PTPN4: variants seen among roughly 807,000 people sequenced by gnomAD.
The protein encoded by PTPN4 is protein tyrosine phosphatase non-receptor type 4.
In PTPN4, 49 loss-of-function variants were observed where a neutral mutation model predicts 135.5. That is an observed-to-expected ratio of 0.36 (90% CI 0.29 to 0.46). The LOEUF is 0.46. Among genes scored for constraint, PTPN4 ranks in the 20% least tolerant of loss-of-function variants. The pLI is 1.00. For missense variants in PTPN4, 860 were observed against 1,101.0 expected, an observed-to-expected ratio of 0.78 and a Z score of 3.10; for synonymous variants, 333 against 369.9, an observed-to-expected ratio of 0.90 and a Z score of 1.14.
intron 1 of PTPN4, among the ~76,000 whole-genome samples, chr2:119,766,484 C>A (rs184827391): frequency 9.6e-6 from 1 of 103,826 alleles, no homozygotes; most frequent in African/African-American, 4.3e-5. Context: ...GTGTGTGTGT[C>A]TGTGTGTGTG....
chr2:119,917,176 C>G (rs1266356963), intron 11 of PTPN4, among the ~76,000 whole-genome samples: 1 of 152,120 alleles, frequency 6.6e-6, no homozygotes, highest in Non-Finnish European at 1.5e-5. Flanking sequence ...TACTATGTGC[C>G]TGGTAAAAGA....
chr2:119,920,405 A>G (rs901388902), intron 12 of PTPN4, among the ~76,000 whole-genome samples, 164 bp downstream of exon 12: 3 of 152,110 alleles, frequency 2.0e-5, no homozygotes, highest in Non-Finnish European at 2.9e-5. Flanking sequence ...AAAAAGTTCT[A>G]TAGGTTCTTG....
intron 19 of PTPN4, among the ~76,000 whole-genome samples, chr2:119,954,103 T>G (rs1679246813): frequency 6.6e-6 from 1 of 152,230 alleles, no homozygotes; most frequent in Non-Finnish European, 1.5e-5. Context: ...TCTGATCTTT[T>G]CTCCTTTAAT....
chr2:119,815,908 T>A (rs1438454978), intron 2 of PTPN4, among the ~76,000 whole-genome samples: 3 of 152,222 alleles, frequency 2.0e-5, no homozygotes, highest in African/African-American at 7.2e-5. Context: ...TATAACTCAA[T>A]GAATTATTTT....
At chr2:119,809,229 A>G (rs1046634117) in intron 1 of PTPN4, among the ~76,000 whole-genome samples, 2 of 151,874 alleles carry the variant, frequency 1.3e-5, no homozygotes, top group Non-Finnish European at 2.9e-5. Context: ...CTGTTGTTTT[A>G]TAGGCCATCT....
chr2:119,772,865 G>C (rs958403503), intron 1 of PTPN4, among the ~76,000 whole-genome samples: 2 of 152,098 alleles, frequency 1.3e-5, no homozygotes, highest in African/African-American at 4.8e-5. Context: ...ATAGCAATAT[G>C]GTTGAATACA....
chr2:119,907,832 C>A (rs1678512206), intron 10 of PTPN4, among the ~76,000 whole-genome samples: 4 of 152,086 alleles, frequency 2.6e-5, no homozygotes, highest in African/African-American at 9.7e-5. Flanking sequence ...TTGACAAAGG[C>A]ACCTAGAACA....
chr2:119,784,479 C>T (rs1691007182), intron 1 of PTPN4, among the ~76,000 whole-genome samples: 3 of 150,714 alleles, frequency 2.0e-5, no homozygotes, highest in Non-Finnish European at 3.0e-5. Context: ...CTCCGCCTCC[C>T]GGGTTCACGC....
intron 1 of PTPN4, among the ~76,000 whole-genome samples, chr2:119,776,057 G>A (rs537511362): frequency 6.6e-6 from 1 of 152,252 alleles, no homozygotes; most frequent in South Asian, 2.1e-4. Flanking sequence ...TGGCAGAAGG[G>A]TTCCACTTAT....
At chr2:119,947,867 T>G (rs148483010) in intron 18 of PTPN4, among the ~76,000 whole-genome samples, 52 of 152,148 alleles carry the variant, frequency 3.4e-4, no homozygotes, top group African/African-American at 1.3e-3. Flanking sequence ...CCTCAATCCA[T>G]GTAGTAGGAT....
chr2:119,760,596 G>C (rs1289243920), intron 1 of PTPN4, among the ~76,000 whole-genome samples: 1 of 152,124 alleles, frequency 6.6e-6, no homozygotes, highest in Non-Finnish European at 1.5e-5. Context: ...CTGCTTTTGC[G>C]GGGGTTATAG....
Position 119,956,825 on chromosome 2 carries a change from CTTTTT to C in PTPN4, c.1981-7_1981-3del. The stretch of plus-strand genomic sequence containing the variant: ...TTTATGGCTTTTGTTGGAATTGTAC[CTTTTT>C]TTTTTTTTTTTAGCAACTGTATCGG... On this transcript the variant is annotated splice_polypyrimidine_tract_variant and intron_variant, in intron 20 of 26. Transcript: ENST00000263708. 2.0e-6 allele frequency: 3 copies of C among 1,505,988 alleles called. No individual in the cohort carries two copies. Among genetic ancestry groups the C allele is most frequent in the Admixed American group, 4.7e-5 (2 of 42,822 alleles). 93.3% of individuals were successfully genotyped at this position (1,505,988 alleles called of 1,614,324 possible).
At chr2:119,870,559 G>A (rs751523632) in intron 3 of PTPN4, among the ~76,000 whole-genome samples, 11 of 151,964 alleles carry the variant, frequency 7.2e-5, no homozygotes, top group African/African-American at 9.7e-5. Flanking sequence ...TAATCAACTC[G>A]TCCTAACAGG....
intron 15 of PTPN4, among the ~76,000 whole-genome samples, chr2:119,942,338 G>A (rs975546648): frequency 2.0e-5 from 3 of 152,102 alleles, no homozygotes; most frequent in African/African-American, 4.8e-5. Context: ...TATTGCCACC[G>A]ATAGGCCCAT....
In PTPN4 at chr2:119,760,733, CTTTTTT is replaced by C. The variant is rs59953430; in HGVS notation, c.-18+366_-18+371del. ...GAGTTTTCCATTGCTGGTAGAATTC[CTTTTTT>C]TTTTTTTTTTTTTTTTGGCTCATAT... is the stretch of plus-strand genomic sequence containing the variant. On this transcript the variant is annotated intron_variant, in intron 1 of 26. Coordinates refer to ENST00000263708, the MANE Select transcript of PTPN4 (RefSeq NM_002830.4). 7.2e-3 allele frequency among the ~76,000 whole-genome samples: 575 copies of C among 79,920 alleles called. 4 individuals carry two copies. The highest frequency in any genetic ancestry group is 0.021 in the African/African-American group (419 of 19,742). 52.4% of individuals were successfully genotyped at this position (79,920 alleles called of 152,430 possible).
rs551091482 is a variant in PTPN4, at chr2:119,934,536, C to T, written c.1197-264C>T. On this transcript the variant is annotated intron_variant, in intron 14 of 26. Transcript: ENST00000263708. ...AGTAAGACAAAATCATAGTGACTAACACCTAGAAACATGAAGGCACTTAGA... is the reference window on the plus strand; with the variant it reads ...AGTAAGACAAAATCATAGTGACTAATACCTAGAAACATGAAGGCACTTAGA... 2.0e-5 allele frequency among the ~76,000 whole-genome samples: 3 copies of T among 152,202 alleles called. No homozygotes were observed. In the East Asian group the frequency reaches 5.8e-4, roughly 29 times the overall value.
intron 1 of PTPN4, among the ~76,000 whole-genome samples, chr2:119,804,073 G>A (rs1242063344): frequency 2.0e-5 from 3 of 151,738 alleles, no homozygotes; most frequent in African/African-American, 7.3e-5. Context: ...CATTATAGCT[G>A]GGCCATGTAC....
intron 26 of PTPN4, among the ~76,000 whole-genome samples, chr2:119,974,242 G>T (rs554918168): frequency 2.6e-5 from 4 of 151,900 alleles, no homozygotes; most frequent in Non-Finnish European, 5.9e-5. Context: ...ATGGAGTTTC[G>T]CTCTTGTTGC....
At chr2:119,812,443 A>C (rs1676906715) in intron 2 of PTPN4, among the ~76,000 whole-genome samples, 1 of 152,192 alleles carries the variant, frequency 6.6e-6, no homozygotes, top group South Asian at 2.1e-4. Flanking sequence ...TCATGTTGCC[A>C]AAGCCTGCTT....
Sources: allele counts gnomAD v4.1 joint callset (sites outside exome capture counted in the v4.1 genomes callset), GRCh38; gene constraint gnomAD v4.1.1; transcripts MANE v1.5; gene names NCBI Gene and HGNC (gene_info 2026-07-23, HGNC 2026-07-21).